Variants in MIER3 observed in about 807,000 individuals in gnomAD.
MIER3 encodes the protein mesoderm induction early response protein 3.
A neutral mutation model predicts 63.2 loss-of-function variants in MIER3; 9 were observed. The ratio of observed to expected loss-of-function variants is 0.14; its 90% confidence interval spans 0.09 to 0.25. MIER3 has a LOEUF of 0.25. Among genes scored for constraint, MIER3 ranks in the 10% least tolerant of loss-of-function variants. The probability of loss-of-function intolerance (pLI) is 1.00; values close to 1 mark genes in which losing one functional copy is unlikely to be tolerated. For synonymous variants in MIER3, 205 were observed against 224.9 expected (o/e 0.91, Z 0.79); for missense variants, 512 against 666.2 (o/e 0.77, Z 2.55).
Position 56,920,000 on chromosome 5 carries a change from T to G in MIER3, c.*3128A>C, listed in dbSNP as rs1185882385. The G allele has an allele frequency of 6.6e-6, 1 of 152,634 alleles. No homozygotes were observed. Among genetic ancestry groups the G allele is most frequent in the African/African-American group, 2.4e-5 (1 of 41,452 alleles). The allele number at this position is 152,634 out of a possible 1,614,324, so 9.5% of individuals were successfully genotyped here. ...TGAAACTCTGGGCAAACAATCTCCT[T>G]GGTGGTCAGGTTTATTTGTTAGTTT... is the stretch of plus-strand genomic sequence containing the variant. On this transcript the variant is annotated 3_prime_UTR_variant, in exon 13 of 13. Coordinates refer to ENST00000381199, the MANE Select transcript of MIER3 (RefSeq NM_001297599.2).
intron 8 of MIER3, 64 bp from the exon 9 acceptor site, chr5:56,930,809 T>A: frequency 7.6e-7 from 1 of 1,310,044 alleles, no homozygotes. Flanking sequence ...AAAAAACAGG[T>A]GTAAGAGTTT....
At chr5:56,950,471 T>C (rs1035268920) in intron 2 of MIER3, among the ~76,000 whole-genome samples, 157 bp downstream of exon 2, 6 of 152,154 alleles carry the variant, frequency 3.9e-5, no homozygotes, top group African/African-American at 1.4e-4. Context: ...GTATAACTGT[T>C]TCTTCCCCAA....
chr5:56,950,376 T>C (rs998132088), intron 2 of MIER3, among the ~76,000 whole-genome samples: 2 of 152,196 alleles, frequency 1.3e-5, no homozygotes, highest in African/African-American at 4.8e-5. Context: ...TATGTAATAA[T>C]TAAAGCCATA....
intron 3 of MIER3, among the ~76,000 whole-genome samples, chr5:56,945,724 GT>G (rs1165084076): frequency 2.0e-5 from 3 of 152,094 alleles, no homozygotes; most frequent in African/African-American, 7.2e-5. Context: ...ACACAACTGA[GT>G]TTATTTACTA....
intron 2 of MIER3, among the ~76,000 whole-genome samples, chr5:56,950,227 G>A (rs1224524325): frequency 6.6e-6 from 1 of 152,170 alleles, no homozygotes; most frequent in Admixed American, 6.5e-5. Context: ...GAGATGAGGG[G>A]TTACAGTTAG....
chr5:56,943,400 G>A (rs1309585047), intron 3 of MIER3, among the ~76,000 whole-genome samples: 2 of 151,932 alleles, frequency 1.3e-5, no homozygotes, highest in African/African-American at 4.8e-5. Context: ...GTTAGCCTGG[G>A]ATATCACAGA....
chr5:56,949,696 T>C (rs983109920), intron 2 of MIER3, among the ~76,000 whole-genome samples: 2 of 152,170 alleles, frequency 1.3e-5, no homozygotes, highest in African/African-American at 4.8e-5. Context: ...ATTCACTCTA[T>C]GGAAACAAGT....
intron 5 of MIER3, among the ~76,000 whole-genome samples, chr5:56,937,372 T>G (rs1750483449): frequency 6.6e-6 from 1 of 152,200 alleles, no homozygotes. Flanking sequence ...CCACTGCACC[T>G]GGCCAAATAT....
At chr5:56,924,887 T>C (rs16886497) in intron 10 of MIER3, among the ~76,000 whole-genome samples, 11,951 of 152,304 alleles carry the variant, frequency 0.078, 509 homozygotes, top group East Asian at 0.14. Context: ...ATTACTAATA[T>C]GGGAATAAGC....
intron 10 of MIER3, among the ~76,000 whole-genome samples, chr5:56,925,072 A>G (rs1749896426): frequency 6.6e-6 from 1 of 152,234 alleles, no homozygotes; most frequent in South Asian, 2.1e-4. Context: ...TGTTTACGGA[A>G]TGAATGGATA....
In MIER3 at chr5:56,933,386, T is replaced by C; in HGVS notation, c.608A>G (p.Glu203Gly). ...ATCAGGACACCAAAGTAACTGGTCT[T>C]CGTTTTCATATACTGATAAAGAAAA... is the stretch of plus-strand genomic sequence containing the variant. ...YDGNEKVYEN[E>G]DQLLWCPDVV... is the part of the protein sequence containing the mutation. Residue 203 changes from glutamate to glycine, a missense_variant, in exon 8 of 13, where the codon GAA becomes GGA. Physicochemically the swap from Glu to Gly is moderately conservative, Grantham distance 98 (BLOSUM62 -2). Transcript: ENST00000381199. 6.2e-7 allele frequency: 1 copy of C among 1,609,988 alleles called. No homozygotes were observed. The highest frequency in any genetic ancestry group is 8.5e-7 in the Non-Finnish European group (1 of 1,178,510).
chr5:56,933,722 CA>C (rs1750351824), intron 7 of MIER3, among the ~76,000 whole-genome samples: 1 of 152,054 alleles, frequency 6.6e-6, no homozygotes, highest in Non-Finnish European at 1.5e-5. Flanking sequence ...AATGAAGGGG[CA>C]AAAATAACCT....
chr5:56,939,348 C>T (rs1750561910), intron 3 of MIER3, among the ~76,000 whole-genome samples: 1 of 152,042 alleles, frequency 6.6e-6, no homozygotes, highest in African/African-American at 2.4e-5. Context: ...AAAACATTTC[C>T]AATTAATCAA....
intron 3 of MIER3, among the ~76,000 whole-genome samples, chr5:56,939,722 G>C (rs770381843): frequency 1.3e-5 from 2 of 152,124 alleles, no homozygotes; most frequent in Non-Finnish European, 2.9e-5. Flanking sequence ...GAATACCTAC[G>C]CCATGCCTCA....
At chr5:56,941,929 G>C (rs942809942) in intron 3 of MIER3, among the ~76,000 whole-genome samples, 5 of 151,922 alleles carry the variant, frequency 3.3e-5, no homozygotes, top group Admixed American at 2.0e-4. Flanking sequence ...AGGGAAGGAG[G>C]ACTCCCCAGT....
intron 3 of MIER3, chr5:56,941,140 AG>A (rs1750631057): frequency 1.0e-6 from 1 of 985,352 alleles, no homozygotes; most frequent in Non-Finnish European, 1.2e-6. Flanking sequence ...TCTTAGTGGG[AG>A]GAACTTAGTG....
In MIER3 at chr5:56,933,701, T is replaced by C. The variant is rs939265603; in HGVS notation, c.596-303A>G. 2.6e-5 allele frequency among the ~76,000 whole-genome samples: 4 copies of C among 152,180 alleles called. No homozygotes were observed. In the South Asian group the frequency reaches 6.2e-4, roughly 24 times the overall value. The stretch of plus-strand genomic sequence containing the variant: ...ATATAAAACCCCATAGTGGTTATCT[T>C]ATACTCTTCTAATGAAGGGGCAAAA... On this transcript the variant is annotated intron_variant, in intron 7 of 12. Transcript: ENST00000381199.
intron 5 of MIER3, among the ~76,000 whole-genome samples, chr5:56,936,312 A>C (rs1450101503): frequency 6.6e-6 from 1 of 152,200 alleles, no homozygotes; most frequent in Non-Finnish European, 1.5e-5. Flanking sequence ...CTTAAAAAGA[A>C]AGTAAAACAC....
Position 56,922,393 on chromosome 5 carries a change from A to G in MIER3, c.*735T>C, listed in dbSNP as rs1749713164. 6.6e-6 allele frequency: 1 copy of G among 152,620 alleles called. No individual in the cohort carries two copies. Among genetic ancestry groups the G allele is most frequent in the African/African-American group, 2.4e-5 (1 of 41,466 alleles). 9.5% of individuals were successfully genotyped at this position (152,620 alleles called of 1,614,324 possible). On this transcript the variant is annotated 3_prime_UTR_variant, in exon 13 of 13. Coordinates refer to ENST00000381199, the MANE Select transcript of MIER3 (RefSeq NM_001297599.2). ...TACACAGAAATCTCCTGGCAGTAACATGACCAATTCTGTGTAAGGTAGCCC... is the reference window on the plus strand; with the variant it reads ...TACACAGAAATCTCCTGGCAGTAACGTGACCAATTCTGTGTAAGGTAGCCC...
Sources: allele counts gnomAD v4.1 joint callset (sites outside exome capture counted in the v4.1 genomes callset), GRCh38; gene constraint gnomAD v4.1.1; transcripts MANE v1.5; gene names NCBI Gene and HGNC (gene_info 2026-07-23, HGNC 2026-07-21).